GALNTL6: variants seen among roughly 807,000 people sequenced by gnomAD.
GALNTL6 encodes the protein polypeptide N-acetylgalactosaminyltransferase like 6.
A neutral mutation model predicts 73.7 loss-of-function variants in GALNTL6; 46 were observed. That is an observed-to-expected ratio of 0.62 (90% CI 0.49 to 0.80). The LOEUF (loss-of-function observed/expected upper bound fraction) is 0.80. GALNTL6 is among the 30% of genes least tolerant of loss of function. The pLI, the probability that GALNTL6 is intolerant of heterozygous loss-of-function variation, is 0.00. For synonymous variants in GALNTL6, 259 were observed against 263.7 expected (o/e 0.98, Z 0.17); for missense variants, 604 against 755.0 (o/e 0.80, Z 2.34).
At chr4:172,798,361 C>T (rs1056890702) in intron 5 of GALNTL6, among the ~76,000 whole-genome samples, 1 of 152,058 alleles carries the variant, frequency 6.6e-6, no homozygotes, top group Non-Finnish European at 1.5e-5. Context: ...AATGGTTTAG[C>T]ACGATGCCTT....
At chr4:172,206,805 G>GTTTGTTGTTTTTTTTTTTTTTTTTTT (rs1554003003) in intron 2 of GALNTL6, among the ~76,000 whole-genome samples, 1 of 26,130 alleles carries the variant, frequency 3.8e-5, no homozygotes, top group African/African-American at 9.5e-5. Flanking sequence ...TTGTTTTTCT[G>GTTTGTTGTTTTTTTTTTTTTTTTTTT]TTTTTTTTGT....
intron 5 of GALNTL6, among the ~76,000 whole-genome samples, chr4:172,566,498 A>G (rs1396892494): frequency 6.6e-6 from 1 of 152,184 alleles, no homozygotes; most frequent in Non-Finnish European, 1.5e-5. Flanking sequence ...TGTAAATAAA[A>G]ATGAAAACAC....
intron 7 of GALNTL6, among the ~76,000 whole-genome samples, chr4:172,855,202 A>AAC (rs1293193384): frequency 6.6e-6 from 1 of 151,450 alleles, no homozygotes; most frequent in African/African-American, 2.4e-5. Flanking sequence ...AGGTGAAAAA[A>AAC]AAAAAAAAAG....
chr4:171,949,090 A>T (rs1370334396), intron 2 of GALNTL6, among the ~76,000 whole-genome samples: 1 of 152,100 alleles, frequency 6.6e-6, no homozygotes, highest in African/African-American at 2.4e-5. Flanking sequence ...TGACCCAAAG[A>T]GTCCTGGCAG....
chr4:172,606,537 T>C (rs1738269230), intron 5 of GALNTL6, among the ~76,000 whole-genome samples: 1 of 134,294 alleles, frequency 7.4e-6, no homozygotes, highest in East Asian at 2.1e-4. Flanking sequence ...AACATGGATA[T>C]AAGAAGGAAG....
At chr4:172,176,495 A>G (rs1735007083) in intron 2 of GALNTL6, among the ~76,000 whole-genome samples, 1 of 152,044 alleles carries the variant, frequency 6.6e-6, no homozygotes, top group South Asian at 2.1e-4. Context: ...GAATGTAGCC[A>G]TTTGGGGACA....
chr4:172,944,680 A>G (rs1749071509), intron 9 of GALNTL6, among the ~76,000 whole-genome samples: 2 of 152,254 alleles, frequency 1.3e-5, no homozygotes, highest in Admixed American at 1.3e-4. Flanking sequence ...TTTATTTGTA[A>G]TAGCCCCAAA....
intron 5 of GALNTL6, among the ~76,000 whole-genome samples, chr4:172,653,201 T>A (rs1937655442): frequency 6.9e-6 from 1 of 144,536 alleles, no homozygotes. Context: ...TTGCACTTTG[T>A]TATCTTTCTA....
At chr4:172,133,717 A>C (rs1400172259) in intron 2 of GALNTL6, among the ~76,000 whole-genome samples, 3 of 152,224 alleles carry the variant, frequency 2.0e-5, no homozygotes, top group African/African-American at 7.2e-5. Context: ...TCATGGATAG[A>C]GAACCAGGAT....
rs563113943 is a variant in GALNTL6 at position 172,754,503 on chromosome 4, T to C, written c.554-54858T>C. On this transcript the variant is annotated intron_variant, in intron 5 of 12. Transcript: ENST00000506823. ...AGGAGAATCACTTGAACCTGGGAGG[T>C]GGAGGTTGCAGTGAGCCGAGATCGC... Among the ~76,000 whole-genome samples the C allele has an allele frequency of 1.3e-3, 199 of 151,698 alleles. 1 individual carries two copies. Among genetic ancestry groups the C allele is most frequent in the African/African-American group, 4.6e-3 (190 of 41,304 alleles).
At chr4:172,408,559 T>C (rs1744317409) in intron 5 of GALNTL6, among the ~76,000 whole-genome samples, 1 of 152,136 alleles carries the variant, frequency 6.6e-6, no homozygotes, top group South Asian at 2.1e-4. Flanking sequence ...TAGAAGCAAC[T>C]CTACACATGC....
intron 10 of GALNTL6, among the ~76,000 whole-genome samples, chr4:172,994,500 G>A (rs1751689636): frequency 6.6e-6 from 1 of 152,150 alleles, no homozygotes; most frequent in Admixed American, 6.6e-5. Context: ...AAATATTTCA[G>A]GGAAGTAGTT....
intron 10 of GALNTL6, among the ~76,000 whole-genome samples, chr4:172,961,352 G>A (rs905256099): frequency 8.6e-5 from 13 of 151,772 alleles, no homozygotes; most frequent in Middle Eastern, 3.4e-3. Flanking sequence ...AGAAGGGGTC[G>A]GGGGGTTCTT....
rs189397435 is a variant in GALNTL6 at position 172,838,020 on chromosome 4, T to C, written c.923+24297T>C. On this transcript the variant is annotated intron_variant, in intron 7 of 12. Transcript: ENST00000506823. The stretch of plus-strand genomic sequence containing the variant: ...TTATTATTTTTTTCTGTACCTACTA[T>C]GGAAAGGAATGCCTCCAAAACAGGA... Among the ~76,000 whole-genome samples the C allele has an allele frequency of 7.5e-3, 1,143 of 152,278 alleles. 9 individuals carry two copies. The highest frequency in any genetic ancestry group is 0.013 in the Non-Finnish European group (903 of 68,036).
intron 2 of GALNTL6, among the ~76,000 whole-genome samples, chr4:171,848,520 G>A (rs1230948806): frequency 6.6e-6 from 1 of 152,104 alleles, no homozygotes; most frequent in Non-Finnish European, 1.5e-5. Context: ...CCCTATATAA[G>A]GCTGTTTTGT....
intron 2 of GALNTL6, among the ~76,000 whole-genome samples, chr4:171,873,997 C>A (rs1034786207): frequency 6.6e-6 from 1 of 152,112 alleles, no homozygotes; most frequent in African/African-American, 2.4e-5. Flanking sequence ...AAACCTGGAA[C>A]CAGGTGTTGA....
chr4:172,239,085 G>A (rs900909637), intron 3 of GALNTL6, among the ~76,000 whole-genome samples: 3 of 151,992 alleles, frequency 2.0e-5, no homozygotes, highest in East Asian at 1.9e-4. Context: ...TCTCTCTGTC[G>A]GTTTGGTATC....
At chr4:171,883,773 G>A (rs1056666482) in intron 2 of GALNTL6, among the ~76,000 whole-genome samples, 1 of 151,254 alleles carries the variant, frequency 6.6e-6, no homozygotes, top group African/African-American at 2.4e-5. Flanking sequence ...TCAGCCTCCC[G>A]AGTAGCTGGG....
chr4:172,053,983 A>C (rs980154974), intron 2 of GALNTL6, among the ~76,000 whole-genome samples: 4 of 152,124 alleles, frequency 2.6e-5, no homozygotes, highest in Non-Finnish European at 5.9e-5. Flanking sequence ...AACAAAATCC[A>C]AAATTAATAA....
Sources: allele counts gnomAD v4.1 joint callset (sites outside exome capture counted in the v4.1 genomes callset), GRCh38; gene constraint gnomAD v4.1.1; transcripts MANE v1.5; gene names NCBI Gene and HGNC (gene_info 2026-07-23, HGNC 2026-07-21).